The following NBAS variants were observed in gnomAD, a reference collection of about 807,000 sequenced individuals.
NBAS encodes NBAS subunit of NRZ tethering complex.
NBAS carries 219 observed loss-of-function variants against 302.5 expected under a neutral mutation model. That is an observed-to-expected ratio of 0.72 (90% CI 0.65 to 0.81). The LOEUF (loss-of-function observed/expected upper bound fraction) is 0.81. NBAS is among the 30% of genes least tolerant of loss of function. NBAS has a pLI of 0.00. For synonymous variants in NBAS, 1,118 were observed against 1,021.6 expected (o/e 1.09, Z -1.80); for missense variants, 2,932 against 2,841.6 (o/e 1.03, Z -0.72).
intron 35 of NBAS, among the ~76,000 whole-genome samples, chr2:15,341,732 ATG>A (rs1164296745): frequency 1.7e-4 from 26 of 152,216 alleles, no homozygotes; most frequent in African/African-American, 6.3e-4. Flanking sequence ...ATGGAAATCT[ATG>A]ATGTAGATTT....
chr2:14,976,461 A>C, the NBAS span, among the ~76,000 whole-genome samples: 1 of 152,206 alleles, frequency 6.6e-6, no homozygotes, highest in African/African-American at 2.4e-5. Context: ...TGACCAAAGT[A>C]GATGGAGCTC....
chr2:15,034,529 G>A, the NBAS span, among the ~76,000 whole-genome samples: 11 of 151,980 alleles, frequency 7.2e-5, no homozygotes, highest in African/African-American at 2.7e-4. Context: ...TGTTGTAGCA[G>A]CCTGAACTAA....
At chr2:15,486,987 G>C (rs1421907433) in intron 12 of NBAS, among the ~76,000 whole-genome samples, 1 of 151,618 alleles carries the variant, frequency 6.6e-6, no homozygotes, top group Admixed American at 6.6e-5. Context: ...GCTCAGAATA[G>C]CCTTTACACT....
chr2:15,037,526 T>G, the NBAS span, among the ~76,000 whole-genome samples: 1 of 152,154 alleles, frequency 6.6e-6, no homozygotes, highest in Non-Finnish European at 1.5e-5. Flanking sequence ...AACCTGAAAC[T>G]TTTACACTTC....
At chr2:15,066,889 GAAA>G in the NBAS span, among the ~76,000 whole-genome samples, 1 of 152,054 alleles carries the variant, frequency 6.6e-6, no homozygotes, top group Non-Finnish European at 1.5e-5. Context: ...GAATGTTGAA[GAAA>G]TATCAGCACC....
the NBAS span, among the ~76,000 whole-genome samples, chr2:14,811,617 G>A: frequency 6.6e-6 from 1 of 152,026 alleles, no homozygotes. Context: ...AGAATATCTA[G>A]TCTGAATGTC....
intron 2 of NBAS, 29 bp downstream of exon 2, chr2:15,558,551 A>C: frequency 6.3e-7 from 1 of 1,589,676 alleles, no homozygotes; most frequent in Non-Finnish European, 8.6e-7. Flanking sequence ...TAACCATATC[A>C]TTACTGTAGA....
rs78866148 is a variant in NBAS at position 15,448,713 on chromosome 2, C to A, written c.2339+12488G>T. The stretch of plus-strand genomic sequence containing the variant: ...AGGACAAAACTTTTCTTAAAATAAT[C>A]CATGTCTTGTCGACAAAATATTATT... On this transcript the variant is annotated intron_variant, in intron 21 of 51. Coordinates refer to ENST00000281513, the MANE Select transcript of NBAS (RefSeq NM_015909.4). Among the ~76,000 whole-genome samples the A allele has an allele frequency of 2.6e-5, 4 of 152,086 alleles. 1 individual carries two copies. Among genetic ancestry groups the A allele is most frequent in the Non-Finnish European group, 5.9e-5 (4 of 68,012 alleles).
chr2:15,407,085 T>C (rs899837625), intron 25 of NBAS, among the ~76,000 whole-genome samples: 3 of 152,198 alleles, frequency 2.0e-5, no homozygotes, highest in African/African-American at 7.2e-5. Context: ...AGGTTATTCA[T>C]TGAAGCACTG....
At chr2:14,789,999 A>C in the NBAS span, among the ~76,000 whole-genome samples, 1 of 152,236 alleles carries the variant, frequency 6.6e-6, no homozygotes, top group Non-Finnish European at 1.5e-5. Context: ...AATTACATTT[A>C]TTGAGCTATT....
chr2:14,960,140 G>A, the NBAS span, among the ~76,000 whole-genome samples: 7 of 152,254 alleles, frequency 4.6e-5, no homozygotes, highest in African/African-American at 1.7e-4. Flanking sequence ...AAGAGATGAG[G>A]CTGTGCAGAG....
chr2:15,316,742 C>G (rs980610074), intron 38 of NBAS, among the ~76,000 whole-genome samples: 35 of 152,152 alleles, frequency 2.3e-4, no homozygotes, highest in Admixed American at 2.0e-3. Context: ...TGGGAGGAGC[C>G]CACCGCAGCT....
At chr2:15,034,148 GGGA>G in the NBAS span, among the ~76,000 whole-genome samples, 58 of 142,108 alleles carry the variant, frequency 4.1e-4, 1 homozygote, top group Non-Finnish European at 7.3e-4. Context: ...GAGAGAAAGA[GGGA>G]GGAGGAGGAG....
the NBAS span, among the ~76,000 whole-genome samples, chr2:14,853,066 C>T: frequency 7.0e-6 from 1 of 143,346 alleles, no homozygotes; most frequent in African/African-American, 2.6e-5. Flanking sequence ...CCAAAATTGA[C>T]AAATGGGATC....
intron 16 of NBAS, 100 bp downstream of exon 16, chr2:15,473,122 G>T: frequency 7.5e-7 from 1 of 1,341,604 alleles, no homozygotes; most frequent in Non-Finnish European, 1.0e-6. Context: ...CTGTATTATA[G>T]AAAAGTCAGC....
the NBAS span, among the ~76,000 whole-genome samples, chr2:14,884,009 G>A: frequency 1.3e-5 from 2 of 151,718 alleles, no homozygotes; most frequent in Non-Finnish European, 2.9e-5. Flanking sequence ...ATAAAAGAAA[G>A]AAAGGTAAGG....
the NBAS span, among the ~76,000 whole-genome samples, chr2:14,847,238 C>T: frequency 6.6e-6 from 1 of 151,692 alleles, no homozygotes; most frequent in African/African-American, 2.4e-5. Context: ...AAAAAATTAG[C>T]CGGGTGTGGT....
chr2:15,378,836 C>A (rs1451638957), intron 30 of NBAS, among the ~76,000 whole-genome samples: 1 of 152,114 alleles, frequency 6.6e-6, no homozygotes, highest in African/African-American at 2.4e-5. Context: ...AACCACTTTT[C>A]TGAAATGTTG....
intron 51 of NBAS, among the ~76,000 whole-genome samples, chr2:15,174,466 G>T (rs1256317504): frequency 6.6e-6 from 1 of 152,098 alleles, no homozygotes; most frequent in Non-Finnish European, 1.5e-5. Context: ...TTTCATTTAG[G>T]AGGTGCTCTC....
Sources: gnomAD v4.1 joint callset for allele counts (sites outside exome capture counted in the v4.1 genomes callset) on GRCh38, gnomAD v4.1.1 for gene constraint, MANE v1.5 for transcripts, NCBI Gene and HGNC (gene_info 2026-07-23, HGNC 2026-07-21) for gene names.